GIMAP7: variants seen among roughly 807,000 people sequenced by gnomAD.
GIMAP7 encodes GTPase, IMAP family member 7, also known as GTPase IMAP family member 7.
For synonymous variants in GIMAP7, 137 were observed against 129.3 expected, an observed-to-expected ratio of 1.06 and a Z score of -0.40; for missense variants, 323 against 359.7, an observed-to-expected ratio of 0.90 and a Z score of 0.83.
intron 1 of GIMAP7, among the ~76,000 whole-genome samples, chr7:150,515,456 A>G (rs2116659999): frequency 6.6e-6 from 1 of 151,172 alleles, no homozygotes; most frequent in East Asian, 1.9e-4. Context: ...ACAGTGTAAC[A>G]TGTGGGGCTG....
chr7:150,517,707 C>T (rs547479782), intron 1 of GIMAP7, among the ~76,000 whole-genome samples: 47 of 152,074 alleles, frequency 3.1e-4, no homozygotes, highest in Non-Finnish European at 5.7e-4. Flanking sequence ...TTATTTGTTC[C>T]GTTTCTTTTA....
At chr7:150,515,508 T>C (rs1450155416) in intron 1 of GIMAP7, among the ~76,000 whole-genome samples, 2 of 152,188 alleles carry the variant, frequency 1.3e-5, no homozygotes, top group Admixed American at 6.5e-5. Context: ...AAAAGACCTT[T>C]ATAGAAATCA....
rs60687169 is a variant in GIMAP7 at position 150,521,013 on chromosome 7, A to AAT, written c.*152_*153dup. 44,917 of 237,150 alleles carry AAT rather than the reference A, an allele frequency of 0.19. 3,860 individuals carry two copies. The highest frequency in any genetic ancestry group is 0.26 in the Admixed American group (4,772 of 18,086). The allele number at this position is 237,150 out of a possible 1,614,324, so 14.7% of individuals were successfully genotyped here. On this transcript the variant is annotated 3_prime_UTR_variant, in exon 2 of 2. Coordinates refer to ENST00000313543, the MANE Select transcript of GIMAP7 (RefSeq NM_153236.4). ...TTTAATGTATATAATGTGATTTTTA[A>AAT]ATATATATATATATATACACACATT...
intron 1 of GIMAP7, among the ~76,000 whole-genome samples, chr7:150,517,462 C>T (rs1335694885): frequency 6.6e-6 from 1 of 152,054 alleles, no homozygotes; most frequent in African/African-American, 2.4e-5. Flanking sequence ...AGTACTTTTT[C>T]CTAGTAGTCC....
chr7:150,518,058 C>T (rs1210873541), intron 1 of GIMAP7, among the ~76,000 whole-genome samples: 2 of 151,952 alleles, frequency 1.3e-5, no homozygotes, highest in Non-Finnish European at 2.9e-5. Context: ...TCTCTTCATA[C>T]TGGTATATAG....
At chr7:150,517,068 C>T (rs1336673973) in intron 1 of GIMAP7, among the ~76,000 whole-genome samples, 1 of 152,072 alleles carries the variant, frequency 6.6e-6, no homozygotes, top group African/African-American at 2.4e-5. Context: ...AACTTTCATT[C>T]AGTGATTCTT....
chr7:150,515,912 C>A (rs1795132480), intron 1 of GIMAP7, among the ~76,000 whole-genome samples: 2 of 152,068 alleles, frequency 1.3e-5, no homozygotes, highest in African/African-American at 4.8e-5. Flanking sequence ...ATCTCCTTTG[C>A]CCTCCACTGG....
chr7:150,515,666 CT>C (rs1795128257), intron 1 of GIMAP7, among the ~76,000 whole-genome samples: 2 of 152,170 alleles, frequency 1.3e-5, no homozygotes, highest in African/African-American at 4.8e-5. Context: ...GTTGTAAATG[CT>C]TTTGTCATTT....
At chr7:150,519,816 A>C in intron 1 of GIMAP7, 118 bp from the exon 2 acceptor site, 1 of 609,062 alleles carries the variant, frequency 1.6e-6, no homozygotes, top group Admixed American at 3.0e-5. Flanking sequence ...TACTGTGATT[A>C]ATATGGATAA....
chr7:150,519,492 G>T (rs972142509), intron 1 of GIMAP7, among the ~76,000 whole-genome samples: 1 of 152,010 alleles, frequency 6.6e-6, no homozygotes, highest in Non-Finnish European at 1.5e-5. Flanking sequence ...TTATTTATTA[G>T]TGTCTAATAA....
At chr7:150,516,163 A>G (rs2116660868) in intron 1 of GIMAP7, among the ~76,000 whole-genome samples, 1 of 152,336 alleles carries the variant, frequency 6.6e-6, no homozygotes, top group African/African-American at 2.4e-5. Context: ...ACTGTAGAGT[A>G]TTTTTGAAGA....
rs556603364 is a variant in GIMAP7, at chr7:150,519,173, T to G, written c.-41-761T>G. On this transcript the variant is annotated intron_variant, in intron 1 of 1. Coordinates refer to ENST00000313543, the MANE Select transcript of GIMAP7 (RefSeq NM_153236.4). ...AGTCTTCCCCTGTTCTTCTTTTCCT[T>G]GATTGTCTAGGCTAACTTGCATTTT... Among the ~76,000 whole-genome samples, 8 of 152,314 alleles carry G rather than the reference T, an allele frequency of 5.3e-5. No homozygotes were observed. The East Asian group carries it at 1.5e-3, about 29-fold the overall frequency.
Position 150,520,985 on chromosome 7 carries a change from A to C in GIMAP7, c.*108A>C, listed in dbSNP as rs1051808821. ...TATCATTGATAAATAAAAATAAAATATGTTTAATGTATATAATGTGATTTT... is the reference window on the plus strand; with the variant it reads ...TATCATTGATAAATAAAAATAAAATCTGTTTAATGTATATAATGTGATTTT... On this transcript the variant is annotated 3_prime_UTR_variant, in exon 2 of 2. Transcript: ENST00000313543. 5 of 403,774 alleles carry C rather than the reference A, an allele frequency of 1.2e-5. No homozygotes were observed. The highest frequency in any genetic ancestry group is 2.1e-5 in the Non-Finnish European group (5 of 237,830). 25.0% of individuals were successfully genotyped at this position (403,774 alleles called of 1,614,324 possible).
At chr7:150,515,623 G>A (rs992756309) in intron 1 of GIMAP7, among the ~76,000 whole-genome samples, 2 of 152,184 alleles carry the variant, frequency 1.3e-5, no homozygotes, top group African/African-American at 4.8e-5. Flanking sequence ...TAGAACCGGT[G>A]GGTCTGGCCA....
chr7:150,520,425 G>A lies in GIMAP7; in HGVS notation c.451G>A (p.Val151Met), dbSNP rs749614181. 4 of 1,614,234 alleles carry A rather than the reference G, an allele frequency of 2.5e-6. No individual in the cohort carries two copies. The highest frequency in any genetic ancestry group is 2.2e-5 in the South Asian group (2 of 91,088). The change falls in exon 2 of 2, where the codon GTG becomes ATG. Residue 151 changes from valine to methionine, a missense_variant. Val to Met is a conservative substitution (Grantham distance 21). Transcript: ENST00000313543. ...CCATGACTTCATAGCAGATGCGGAT[G>A]TGGGCCTAAAAAGCATCGTCAAGGA... ...SFHDFIADADVGLKSIVKECG... is the reference protein window; with the variant it reads ...SFHDFIADADMGLKSIVKECG...
In GIMAP7 at chr7:150,516,722, C is replaced by G. The variant is rs145379347; in HGVS notation, c.-42+1777C>G. ...TTTCTTTGTTTAAGGAAGGGAAGGT[C>G]TTTTGTCCAACAGAACTGGGCAGTA... On this transcript the variant is annotated intron_variant, in intron 1 of 1. Coordinates refer to ENST00000313543, the MANE Select transcript of GIMAP7 (RefSeq NM_153236.4). Among the ~76,000 whole-genome samples, 3 of 152,266 alleles carry G rather than the reference C, an allele frequency of 2.0e-5. No individual in the cohort carries two copies. In the East Asian group the frequency reaches 5.8e-4, roughly 29 times the overall value.
rs532494885 is a variant in GIMAP7 at position 150,516,097 on chromosome 7, T to C, written c.-42+1152T>C. 2.6e-5 allele frequency among the ~76,000 whole-genome samples: 4 copies of C among 152,302 alleles called. No individual in the cohort carries two copies. The East Asian group carries it at 7.7e-4, about 29-fold the overall frequency. ...GTGACCAGGGGCATGTTTCCCAGAATTTTTGAGCCACACCAGCTTCCTCAT... is the reference window on the plus strand; with the variant it reads ...GTGACCAGGGGCATGTTTCCCAGAACTTTTGAGCCACACCAGCTTCCTCAT... On this transcript the variant is annotated intron_variant, in intron 1 of 1. Transcript: ENST00000313543.
chr7:150,520,830 G>A lies in GIMAP7; in HGVS notation c.856G>A (p.Glu286Lys), dbSNP rs755681348. The change falls in exon 2 of 2, where the codon GAA becomes AAA. Residue 286 changes from glutamate (E) to lysine (K), a missense_variant. By Grantham distance (56) the Glu-to-Lys change is moderately conservative. Coordinates refer to ENST00000313543, the MANE Select transcript of GIMAP7 (RefSeq NM_153236.4). ...VFNRIWKMLSEIWHRFLSKCK... is the reference protein window; with the variant it reads ...VFNRIWKMLSKIWHRFLSKCK... Reference sequence around the variant, plus strand: ...TAATAGGATTTGGAAGATGCTTTCAGAAATATGGCATAGGTTTTTGTCGAA... The same window carrying A: ...TAATAGGATTTGGAAGATGCTTTCAAAAATATGGCATAGGTTTTTGTCGAA... 3 of 1,502,246 alleles carry A rather than the reference G, an allele frequency of 2.0e-6. No individual in the cohort carries two copies. The South Asian group carries it at 4.2e-5, about 21-fold the overall frequency. 93.1% of individuals were successfully genotyped at this position (1,502,246 alleles called of 1,614,324 possible).
At position 150,520,985 on chromosome 7, in the gene GIMAP7, A is replaced by G. The variant is rs1051808821; in HGVS notation, c.*108A>G. ...TATCATTGATAAATAAAAATAAAAT[A>G]TGTTTAATGTATATAATGTGATTTT... On this transcript the variant is annotated 3_prime_UTR_variant, in exon 2 of 2. Transcript: ENST00000313543. The G allele has an allele frequency of 1.5e-5, 6 of 403,738 alleles. No homozygotes were observed. The highest frequency in any genetic ancestry group is 2.2e-5 in the African/African-American group (1 of 45,656). 25.0% of individuals were successfully genotyped at this position (403,738 alleles called of 1,614,324 possible).
Sources: allele counts gnomAD v4.1 joint callset (sites outside exome capture counted in the v4.1 genomes callset), GRCh38; gene constraint gnomAD v4.1.1; transcripts MANE v1.5; gene names NCBI Gene and HGNC (gene_info 2026-07-23, HGNC 2026-07-21).